The following GRM5 variants were observed in gnomAD, a reference collection of about 807,000 sequenced individuals.
The protein encoded by GRM5 is metabotropic glutamate receptor 5.
In GRM5, 19 loss-of-function variants were observed where a neutral mutation model predicts 83.1. The ratio of observed to expected loss-of-function variants is 0.23; its 90% CI spans 0.16 to 0.34. The LOEUF is 0.34. Ranked by LOEUF, GRM5 falls within the 10% of genes least tolerant of loss-of-function variation. GRM5 has a pLI of 1.00. For synonymous variants in GRM5, 675 were observed against 633.6 expected (o/e 1.07, Z -0.98); for missense variants, 1,160 against 1,588.3 (o/e 0.73, Z 4.58).
intron 2 of GRM5, among the ~76,000 whole-genome samples, chr11:88,965,956 C>G (rs1457673174): frequency 6.6e-6 from 1 of 151,938 alleles, no homozygotes; most frequent in Admixed American, 6.6e-5. Context: ...TGCATTGTTC[C>G]CTCAAGCATA....
intron 3 of GRM5, among the ~76,000 whole-genome samples, chr11:88,744,186 G>T (rs1478379837): frequency 2.0e-5 from 3 of 152,086 alleles, no homozygotes; most frequent in South Asian, 2.1e-4. Context: ...AAAGCCAAAT[G>T]AGAGCAATTT....
At chr11:88,775,529 G>A (rs1490352329) in intron 3 of GRM5, among the ~76,000 whole-genome samples, 1 of 152,080 alleles carries the variant, frequency 6.6e-6, no homozygotes, top group African/African-American at 2.4e-5. Context: ...TAATTGTGAT[G>A]TTAGGGTGTC....
At chr11:88,525,885 T>G (rs1225743381) in intron 8 of GRM5, among the ~76,000 whole-genome samples, 1 of 152,232 alleles carries the variant, frequency 6.6e-6, no homozygotes, top group East Asian at 1.9e-4. Context: ...TTAAGCAAAT[T>G]AATCAAAGAT....
At chr11:88,535,820 A>G (rs574473204) in intron 8 of GRM5, among the ~76,000 whole-genome samples, 134 of 152,354 alleles carry the variant, frequency 8.8e-4, no homozygotes, top group Admixed American at 1.6e-3. Flanking sequence ...AGTTACTACT[A>G]ACAAATACTT....
At chr11:89,027,005 G>GC (rs1285277324) in intron 2 of GRM5, among the ~76,000 whole-genome samples, 3 of 152,112 alleles carry the variant, frequency 2.0e-5, no homozygotes, top group African/African-American at 7.2e-5. Flanking sequence ...ACAGAGACAA[G>GC]TTTTCCTTTC....
At chr11:88,638,161 G>C (rs1400723884) in intron 4 of GRM5, among the ~76,000 whole-genome samples, 6 of 115,524 alleles carry the variant, frequency 5.2e-5, no homozygotes, top group African/African-American at 9.9e-5. Flanking sequence ...GTGGTGGGGT[G>C]GGGGGAGGGG....
In GRM5 at chr11:88,508,541, CACGGG is replaced by C. The variant is rs1941243273; in HGVS notation, c.*46_*50del. On this transcript the variant is annotated 3_prime_UTR_variant, in exon 10 of 10. Coordinates refer to ENST00000305447, the MANE Select transcript of GRM5 (RefSeq NM_001143831.3). This position sits in a 1 kb window ranked among gnomAD's most constrained non-coding sequence, Gnocchi z 4.2. ...ATGCTTGCCATTGTGTGTGTGTGAA[CACGGG>C]GGGCTCCGCTCCGCACGCGCAGGCC... is the stretch of plus-strand genomic sequence containing the variant. 5.4e-6 allele frequency: 8 copies of C among 1,480,414 alleles called. No homozygotes were observed. The highest frequency in any genetic ancestry group is 6.5e-6 in the Non-Finnish European group (7 of 1,070,152). 91.7% of individuals were successfully genotyped at this position (1,480,414 alleles called of 1,614,324 possible).
chr11:88,710,311 C>T (rs1431231728), intron 3 of GRM5, among the ~76,000 whole-genome samples: 1 of 152,038 alleles, frequency 6.6e-6, no homozygotes, highest in East Asian at 1.9e-4. Context: ...CCACCACATC[C>T]GTTAAATATT....
intron 3 of GRM5, among the ~76,000 whole-genome samples, chr11:88,725,545 G>A (rs139551283): frequency 0.011 from 1,604 of 152,296 alleles, 31 homozygotes; most frequent in African/African-American, 0.037. Flanking sequence ...CTAAGGGACA[G>A]ACTGCCTCCT....
chr11:88,659,336 T>A (rs1939845871), intron 3 of GRM5, among the ~76,000 whole-genome samples: 2 of 152,194 alleles, frequency 1.3e-5, no homozygotes, highest in African/African-American at 4.8e-5. Flanking sequence ...ACATTTCTTT[T>A]TCTCCTGGAT....
chr11:88,890,389 A>G (rs1351771690), intron 2 of GRM5, among the ~76,000 whole-genome samples: 1 of 152,148 alleles, frequency 6.6e-6, no homozygotes, highest in Non-Finnish European at 1.5e-5. Context: ...TCCACCCTGA[A>G]GCCAGTAATC....
chr11:88,509,490 G>A lies in GRM5; in HGVS notation c.2741C>T (p.Ser914Phe). 6.2e-7 allele frequency: 1 copy of A among 1,611,822 alleles called. No individual in the cohort carries two copies. The highest frequency in any genetic ancestry group is 8.5e-7 in the Non-Finnish European group (1 of 1,179,390). ...RATMSSSNGK[S>F]VTWAQNEKSS... The stretch of plus-strand genomic sequence containing the variant: ...CTTCTCATTCTGGGCCCACGTGACG[G>A]ATTTTCCATTGGAACTGAGGAGAGA... The change falls in exon 10 of 10, where the codon TCC becomes TTC. Residue 914 changes from serine (S) to phenylalanine (F), a missense_variant. Ser to Phe is a radical substitution (Grantham distance 155, BLOSUM62 -2). Around this residue, in one of 9 missense-constraint regions of GRM5, gnomAD observed 562 missense variants for 532.4 expected, o/e 1.06. Coordinates refer to ENST00000305447, the MANE Select transcript of GRM5 (RefSeq NM_001143831.3).
At chr11:88,854,077 T>TATATATATAC (rs927592084) in intron 2 of GRM5, among the ~76,000 whole-genome samples, 3 of 149,286 alleles carry the variant, frequency 2.0e-5, no homozygotes, top group African/African-American at 5.0e-5. Context: ...TATATATATA[T>TATATATATAC]ACACAATGAA....
At chr11:89,029,109 A>T (rs1941199111) in intron 2 of GRM5, among the ~76,000 whole-genome samples, 1 of 152,086 alleles carries the variant, frequency 6.6e-6, no homozygotes, top group Admixed American at 6.6e-5. Context: ...AAGGACGTGA[A>T]CTCATCTTTT....
At chr11:88,977,862 T>G (rs193010586) in intron 2 of GRM5, among the ~76,000 whole-genome samples, 1 of 152,330 alleles carries the variant, frequency 6.6e-6, no homozygotes, top group East Asian at 1.9e-4. Flanking sequence ...AATGCCCTGG[T>G]AAATATAGGT....
chr11:88,691,306 T>C (rs563067773), intron 3 of GRM5, among the ~76,000 whole-genome samples: 1 of 152,330 alleles, frequency 6.6e-6, no homozygotes, highest in Admixed American at 6.5e-5. Flanking sequence ...TATTTATCCA[T>C]GTAGTCATTT....
intron 8 of GRM5, among the ~76,000 whole-genome samples, chr11:88,559,236 G>A (rs1942701379): frequency 6.6e-6 from 1 of 152,122 alleles, no homozygotes; most frequent in African/African-American, 2.4e-5. Context: ...GAAGTGTGCA[G>A]TGCAATAAAG....
intron 3 of GRM5, among the ~76,000 whole-genome samples, chr11:88,677,908 T>A (rs1940376646): frequency 6.6e-6 from 1 of 152,112 alleles, no homozygotes; most frequent in Non-Finnish European, 1.5e-5. Context: ...GTTACTATAT[T>A]CAGATAATTA....
At chr11:88,854,567 A>G (rs1944439980) in intron 2 of GRM5, among the ~76,000 whole-genome samples, 1 of 151,982 alleles carries the variant, frequency 6.6e-6, no homozygotes. Flanking sequence ...ACACATTGGA[A>G]ACAGGATTTG....
Sources: gnomAD v4.1 joint callset for allele counts (sites outside exome capture counted in the v4.1 genomes callset) on GRCh38, gnomAD v4.1.1 for gene constraint, gnomAD v4.1.1 regional missense constraint, Gnocchi (gnomAD v3.1) non-coding constraint, MANE v1.5 for transcripts, NCBI Gene and HGNC (gene_info 2026-07-23, HGNC 2026-07-21) for gene names.